Variants in SAT1 observed in about 807,000 individuals in gnomAD.
SAT1 encodes the protein diamine acetyltransferase 1.
SAT1 carries 1 observed loss-of-function variant against 14.7 expected under a neutral mutation model. The observed-to-expected ratio is 0.07, with a 90% confidence interval of 0.02 to 0.32. The LOEUF (loss-of-function observed/expected upper bound fraction) is 0.32, where lower values mean the gene tolerates loss of function less well. Ranked by LOEUF, SAT1 falls within the 10% of genes least tolerant of loss-of-function variation. SAT1 has a pLI of 1.00. For synonymous variants in SAT1, 67 were observed against 46.1 expected (o/e 1.45, Z -1.84); for missense variants, 77 against 129.1 (o/e 0.60, Z 1.96).
At chrX:23,783,518 C>T (rs1922581714) in intron 1 of SAT1, 101 bp downstream of exon 1, 5 of 949,198 alleles carry the variant, frequency 5.3e-6, no homozygotes, top group Admixed American at 3.0e-5. Flanking sequence ...GGTGTGAGAG[C>T]CCAGCCTGTT....
Position 23,783,179 on chromosome X carries a change from C to T in SAT1, c.-173C>T. 2 of 475,112 alleles carry T rather than the reference C, an allele frequency of 4.2e-6. No homozygotes were observed. The highest frequency in any genetic ancestry group is 3.7e-5 in the East Asian group (1 of 26,720). The allele number at this position is 475,112 out of a possible 1,213,427, so 39.2% of individuals were successfully genotyped here. A position where few individuals can be genotyped will look rare whatever the true frequency, so the allele number is the denominator to read the frequency against. ...GCCGGGCCAATGTTCAAATGCGCAG[C>T]TCTTAGTCGCGGGCCGACTGGTGTT... On this transcript the variant is annotated 5_prime_UTR_variant, in exon 1 of 6. Coordinates refer to ENST00000379270, the MANE Select transcript of SAT1 (RefSeq NM_002970.4).
Position 23,785,990 on chromosome X carries a change from G to C in SAT1, c.*134G>C. 2 of 533,151 alleles carry C rather than the reference G, an allele frequency of 3.8e-6. No individual in the cohort carries two copies. The highest frequency in any genetic ancestry group is 7.9e-5 in the East Asian group (2 of 25,382). The allele number at this position is 533,151 out of a possible 1,213,427, so 43.9% of individuals were successfully genotyped here. A position where few individuals can be genotyped will look rare whatever the true frequency, so the allele number is the denominator to read the frequency against. On this transcript the variant is annotated 3_prime_UTR_variant, in exon 6 of 6. Transcript: ENST00000379270. Reference sequence around the variant, plus strand: ...AAGCTTTATTACCAGTGGCGTTGTTGCATGTTTGAAATGAGGTCTGTTTAA... The same window carrying C: ...AAGCTTTATTACCAGTGGCGTTGTTCCATGTTTGAAATGAGGTCTGTTTAA...
At position 23,783,941 on chromosome X, in the gene SAT1, T is replaced by C. The variant is rs184684390; in HGVS notation, c.202+58T>C. On this transcript the variant is annotated intron_variant, in intron 3 of 5. Transcript: ENST00000379270. ...ACCAAGTGTTATGTAAGAAGTAGTG[T>C]CGGCTGTGTAGAACCACTGACTACA... 1.6e-4 allele frequency: 199 copies of C among 1,208,124 alleles called. 1 individual carries two copies. In the African/African-American group the frequency reaches 3.0e-3, roughly 18 times the overall value.
chrX:23,786,021 C>T lies in SAT1; in HGVS notation c.*165C>T. The T allele has an allele frequency of 2.4e-6, 1 of 409,986 alleles. No individual in the cohort carries two copies. The allele number at this position is 409,986 out of a possible 1,213,427, so 33.8% of individuals were successfully genotyped here. ...TTGAAATGAGGTCTGTTTAAAGTGG[C>T]AATCTCAGATGCAGTTTGGAGAGTC... On this transcript the variant is annotated 3_prime_UTR_variant, in exon 6 of 6. Coordinates refer to ENST00000379270, the MANE Select transcript of SAT1 (RefSeq NM_002970.4).
Position 23,786,033 on chromosome X carries a change from C to T in SAT1, c.*177C>T, listed in dbSNP as rs1481500159. On this transcript the variant is annotated 3_prime_UTR_variant, in exon 6 of 6. Coordinates refer to ENST00000379270, the MANE Select transcript of SAT1 (RefSeq NM_002970.4). The stretch of plus-strand genomic sequence containing the variant: ...CTGTTTAAAGTGGCAATCTCAGATG[C>T]AGTTTGGAGAGTCAGATCTTTCTCC... The T allele has an allele frequency of 2.6e-6, 1 of 378,345 alleles. No homozygotes were observed. The allele number at this position is 378,345 out of a possible 1,213,427, so 31.2% of individuals were successfully genotyped here.
chrX:23,784,095 A>G, intron 3 of SAT1: 1 of 1,098,552 alleles, frequency 9.1e-7, no homozygotes. Flanking sequence ...TGTTTAAGTA[A>G]GTATCAGAGT....
At chrX:23,784,097 T>C in intron 3 of SAT1, 2 of 1,097,839 alleles carry the variant, frequency 1.8e-6, no homozygotes, top group South Asian at 4.8e-5. Context: ...TTTAAGTAAG[T>C]ATCAGAGTGC....
chrX:23,783,576 C>CCCCCAAAACCTA, intron 1 of SAT1, 82 bp from the exon 2 acceptor site: 1 of 745,019 alleles, frequency 1.3e-6, no homozygotes, highest in Non-Finnish European at 2.0e-6. Context: ...CGCCCGCCCG[C>CCCCCAAAACCTA]CCCATTCCGT....
chrX:23,783,876 T>C lies in SAT1; in HGVS notation c.195T>C (p.Thr65=). The change falls in exon 3 of 6, where the codon ACT becomes ACC. Residue 65 remains threonine, a synonymous_variant. Transcript: ENST00000379270. ...LVAEVPKEHW[T]PEGHSIVGFA... Reference sequence around the variant, plus strand: ...CAGAAGTGCCGAAAGAGCACTGGACTCCGGAAGGTAACCCCTCGCCCTTTC... The same window carrying C: ...CAGAAGTGCCGAAAGAGCACTGGACCCCGGAAGGTAACCCCTCGCCCTTTC... The C allele has an allele frequency of 2.5e-6, 3 of 1,211,603 alleles. No homozygotes were observed. The highest frequency in any genetic ancestry group is 3.3e-6 in the Non-Finnish European group (3 of 895,539).
chrX:23,784,568 CTTT>C (rs9306769), intron 3 of SAT1, among the ~76,000 whole-genome samples: 1 of 60,599 alleles, frequency 1.7e-5, no homozygotes, highest in Non-Finnish European at 2.9e-5. Flanking sequence ...TGTCAGATGC[CTTT>C]TTTTTTTTTT....
chrX:23,783,442 C>T (rs374212275), intron 1 of SAT1, 25 bp downstream of exon 1: 27 of 1,184,096 alleles, frequency 2.3e-5, no homozygotes, highest in Non-Finnish European at 2.8e-5. Context: ...GAGCTCCTCC[C>T]GGGGCGTGGG....
At position 23,785,865 on chromosome X, in the gene SAT1, G is replaced by C. The variant is rs1922698061; in HGVS notation, c.*9G>C. The C allele has an allele frequency of 8.6e-7, 1 of 1,157,206 alleles. No individual in the cohort carries two copies. Among genetic ancestry groups the C allele is most frequent in the African/African-American group, 1.8e-5 (1 of 55,555 alleles). The stretch of plus-strand genomic sequence containing the variant: ...TGGCAACAGAGGAGTGAGGAGTGCT[G>C]CTGTAGATGACAACCTCCATTCTAT... On this transcript the variant is annotated 3_prime_UTR_variant, in exon 6 of 6. Coordinates refer to ENST00000379270, the MANE Select transcript of SAT1 (RefSeq NM_002970.4).
chrX:23,783,788 C>A lies in SAT1; in HGVS notation c.119-12C>A. 2.5e-6 allele frequency: 3 copies of A among 1,211,371 alleles called. No individual in the cohort carries two copies. Among genetic ancestry groups the A allele is most frequent in the Non-Finnish European group, 3.4e-6 (3 of 894,997 alleles). On this transcript the variant is annotated splice_polypyrimidine_tract_variant and intron_variant, in intron 2 of 5. Transcript: ENST00000379270. ...CCAAGGCCATTACCGCCCCTGCTCCCCCTTCTTGCAGATCTGCTAGAAGAT... is the reference window on the plus strand; with the variant it reads ...CCAAGGCCATTACCGCCCCTGCTCCACCTTCTTGCAGATCTGCTAGAAGAT...
intron 1 of SAT1, 119 bp from the exon 2 acceptor site, chrX:23,783,539 C>A: frequency 1.1e-6 from 1 of 930,025 alleles, no homozygotes; most frequent in East Asian, 3.4e-5. Context: ...CCCCTTTCTG[C>A]GCCCATCCCC....
At chrX:23,783,925 T>A in intron 3 of SAT1, 42 bp downstream of exon 3, 1 of 1,211,076 alleles carries the variant, frequency 8.3e-7, no homozygotes, top group Non-Finnish European at 1.1e-6. Context: ...GACCAAGTGT[T>A]ATGTAAGAAG....
In SAT1 at chrX:23,786,071, C is replaced by T. The variant is rs2089409284; in HGVS notation, c.*215C>T. 6.1e-6 allele frequency: 2 copies of T among 330,248 alleles called. No homozygotes were observed. Among genetic ancestry groups the T allele is most frequent in the East Asian group, 4.7e-5 (1 of 21,253 alleles). The allele number at this position is 330,248 out of a possible 1,213,427, so 27.2% of individuals were successfully genotyped here. A position where few individuals can be genotyped will look rare whatever the true frequency, so the allele number is the denominator to read the frequency against. On this transcript the variant is annotated 3_prime_UTR_variant, in exon 6 of 6. Transcript: ENST00000379270. The stretch of plus-strand genomic sequence containing the variant: ...CAGATCTTTCTCCTTGAATATCTTT[C>T]GATAAACAACAAGGTGGTGTGATCT...
chrX:23,783,578 C>CCCCAAA, intron 1 of SAT1, 80 bp from the exon 2 acceptor site: 24 of 760,947 alleles, frequency 3.2e-5, no homozygotes, highest in Non-Finnish European at 4.0e-5. Flanking sequence ...CCCGCCCGCC[C>CCCCAAA]CATTCCGTTC....
intron 3 of SAT1, chrX:23,784,696 G>C (rs1419442484): frequency 9.3e-6 from 1 of 107,744 alleles, no homozygotes; most frequent in Non-Finnish European, 1.9e-5. Context: ...GAAATGAGCA[G>C]AAAACAAGGG....
At chrX:23,783,554 C>T in intron 1 of SAT1, 104 bp from the exon 2 acceptor site, 1 of 907,891 alleles carries the variant, frequency 1.1e-6, no homozygotes, top group South Asian at 2.4e-5. Flanking sequence ...ATCCCCGGCT[C>T]GGCCGCCACC....
Sources: allele counts gnomAD v4.1 joint callset (sites outside exome capture counted in the v4.1 genomes callset), GRCh38; gene constraint gnomAD v4.1.1; transcripts MANE v1.5; gene names NCBI Gene and HGNC (gene_info 2026-07-23, HGNC 2026-07-21).